The following RPTN variants were observed in gnomAD, a reference collection of about 807,000 sequenced individuals.
The protein encoded by RPTN is intermediate filament-associated protein.
Under a neutral mutation model 3.6 loss-of-function variants are expected in RPTN, and 4 were observed. The ratio of observed to expected loss-of-function variants is 1.12; its 90% CI spans 0.55 to 2.55. RPTN has a LOEUF of 2.55. Ranked by LOEUF, RPTN falls within the 30% of genes most tolerant of loss-of-function variation. The pLI, the probability that RPTN is intolerant of heterozygous loss-of-function variation, is 0.02. For missense variants in RPTN, 860 were observed against 916.7 expected (o/e 0.94, Z 0.80); for synonymous variants, 293 against 319.3 (o/e 0.92, Z 0.88).
chr1:152,156,814 T>A lies in RPTN; in HGVS notation c.285A>T (p.Gly95=). The change falls in exon 3 of 3, where the codon GGA becomes GGT. Residue 95 remains glycine (G), a synonymous_variant. Coordinates refer to ENST00000316073, the MANE Select transcript of RPTN (RefSeq NM_001122965.1). ...CCCTTTCTTGCTGTGAGGTCCTGCC[T>A]CCATGTGACTTATTGTCTAGCTTAT... ...CYHKLDNKSH[G]GRTSQQERGQ... 1.2e-6 allele frequency: 2 copies of A among 1,614,218 alleles called. No homozygotes were observed. The highest frequency in any genetic ancestry group is 1.7e-6 in the Non-Finnish European group (2 of 1,180,026).
Position 152,154,675 on chromosome 1 carries a change from T to A in RPTN, c.*69A>T. ...GATTCTGAGATCCTTGATACCTCTC[T>A]TTCTCCTCATAGTTTTGTCTATTAT... On this transcript the variant is annotated 3_prime_UTR_variant, in exon 3 of 3. Transcript: ENST00000316073. 6 of 1,565,806 alleles carry A rather than the reference T, an allele frequency of 3.8e-6. No homozygotes were observed. The highest frequency in any genetic ancestry group is 5.2e-6 in the Non-Finnish European group (6 of 1,154,312).
rs1054271726 is a variant in RPTN, at chr1:152,156,670, A to T, written c.429T>A (p.Asp143Glu). Reference protein sequence around the residue: ...HHSQPERQDGDSHHGQPERQD... With the variant: ...HHSQPERQDGESHHGQPERQD... ...GTCTCTCAGGCTGACCATGGTGGGAATCTCCGTCTTGTCTCTCAGGCTGAC... is the reference window on the plus strand; with the variant it reads ...GTCTCTCAGGCTGACCATGGTGGGATTCTCCGTCTTGTCTCTCAGGCTGAC... The change falls in exon 3 of 3, where the codon GAT becomes GAA. Residue 143 changes from aspartate (D) to glutamate (E), a missense_variant. By Grantham distance (45) the Asp-to-Glu change is conservative. Coordinates refer to ENST00000316073, the MANE Select transcript of RPTN (RefSeq NM_001122965.1). The T allele has an allele frequency of 6.1e-5, 97 of 1,579,544 alleles. No individual in the cohort carries two copies. Among genetic ancestry groups the T allele is most frequent in the Non-Finnish European group, 8.1e-5 (95 of 1,167,502 alleles).
At chr1:152,157,245 G>C (rs757505294) in intron 2 of RPTN, among the ~76,000 whole-genome samples, 22 of 152,160 alleles carry the variant, frequency 1.4e-4, no homozygotes, top group Non-Finnish European at 2.6e-4. Context: ...TTCCATCACA[G>C]GCTATATCCT....
At chr1:152,158,237 G>A (rs764441203) in intron 1 of RPTN, among the ~76,000 whole-genome samples, 2 of 152,204 alleles carry the variant, frequency 1.3e-5, no homozygotes, top group Non-Finnish European at 2.9e-5. Flanking sequence ...CAAAAGGAGG[G>A]GAGGCCAGGA....
rs753363504 is a variant in RPTN at position 152,156,428 on chromosome 1, T to C, written c.671A>G (p.His224Arg). The change falls in exon 3 of 3, where the codon CAT becomes CGT. Residue 224 changes from histidine (H) to arginine (R), a missense_variant. Coordinates refer to ENST00000316073, the MANE Select transcript of RPTN (RefSeq NM_001122965.1). Reference protein sequence around the residue: ...STSGQAKWQGHIFALNRCEKP... With the variant: ...STSGQAKWQGRIFALNRCEKP... ...TTCACACCGATTTAAGGCAAAGATATGTCCCTGCCATTTAGCCTGGCCACT... is the reference window on the plus strand; with the variant it reads ...TTCACACCGATTTAAGGCAAAGATACGTCCCTGCCATTTAGCCTGGCCACT... 2.5e-6 allele frequency: 4 copies of C among 1,614,270 alleles called. No individual in the cohort carries two copies. The highest frequency in any genetic ancestry group is 1.6e-4 in the Middle Eastern group (1 of 6,062).
At position 152,153,963 on chromosome 1, in the gene RPTN, T is replaced by G. The variant is rs891349499; in HGVS notation, c.*781A>C. The G allele has an allele frequency of 2.6e-5, 4 of 152,378 alleles. No individual in the cohort carries two copies. The highest frequency in any genetic ancestry group is 2.0e-4 in the Admixed American group (3 of 15,284). The allele number at this position is 152,378 out of a possible 1,614,324, so 9.4% of individuals were successfully genotyped here. On this transcript the variant is annotated 3_prime_UTR_variant, in exon 3 of 3. Coordinates refer to ENST00000316073, the MANE Select transcript of RPTN (RefSeq NM_001122965.1). ...TATGAGGCTTGAAATTCCTGATGTTTTATCCACAGGAGCCAAAGCTCACCA... is the reference window on the plus strand; with the variant it reads ...TATGAGGCTTGAAATTCCTGATGTTGTATCCACAGGAGCCAAAGCTCACCA...
At chr1:152,157,978 A>C (rs2101559328) in intron 1 of RPTN, 69 bp from the exon 2 acceptor site, 5 of 1,327,564 alleles carry the variant, frequency 3.8e-6, no homozygotes, top group Non-Finnish European at 5.4e-6. Flanking sequence ...CCAGAGGGAA[A>C]GTGACCCCTC....
At chr1:152,157,983 C>A (rs1355980589) in intron 1 of RPTN, 74 bp from the exon 2 acceptor site, 6 of 1,274,082 alleles carry the variant, frequency 4.7e-6, no homozygotes, top group Non-Finnish European at 6.7e-6. Context: ...GGGAAAGTGA[C>A]CCCTCTGGAT....
Position 152,156,980 on chromosome 1 carries a change from A to G in RPTN, c.139-20T>C, listed in dbSNP as rs763060486. On this transcript the variant is annotated intron_variant, in intron 2 of 2. Transcript: ENST00000316073. Reference sequence around the variant, plus strand: ...TGGTCTCTGTTAGGAGATAAAACAAAGAGCAAAATCAGATGCTGTCTTGTG... The same window carrying G: ...TGGTCTCTGTTAGGAGATAAAACAAGGAGCAAAATCAGATGCTGTCTTGTG... The G allele has an allele frequency of 2.1e-5, 33 of 1,596,132 alleles. No individual in the cohort carries two copies. The South Asian group carries it at 3.5e-4, about 17-fold the overall frequency.
Position 152,154,544 on chromosome 1 carries a change from A to C in RPTN, c.*200T>G, listed in dbSNP as rs1659152151. 8 of 769,784 alleles carry C rather than the reference A, an allele frequency of 1.0e-5. No homozygotes were observed. The highest frequency in any genetic ancestry group is 1.3e-5 in the Non-Finnish European group (6 of 478,440). The allele number at this position is 769,784 out of a possible 1,614,324, so 47.7% of individuals were successfully genotyped here. ...CCTCCCACTGCTCTGGGTTGGATAGAAGGATGGTTCAGTGTGTCTTTTCTG... is the reference window on the plus strand; with the variant it reads ...CCTCCCACTGCTCTGGGTTGGATAGCAGGATGGTTCAGTGTGTCTTTTCTG... On this transcript the variant is annotated 3_prime_UTR_variant, in exon 3 of 3. Transcript: ENST00000316073.
rs754639685 is a variant in RPTN at position 152,157,736 on chromosome 1, T to C, written c.138+16A>G. 15 of 1,613,698 alleles carry C rather than the reference T, an allele frequency of 9.3e-6. No homozygotes were observed. Among genetic ancestry groups the C allele is most frequent in the Non-Finnish European group, 1.3e-5 (15 of 1,179,762 alleles). On this transcript the variant is annotated intron_variant, in intron 2 of 2. Coordinates refer to ENST00000316073, the MANE Select transcript of RPTN (RefSeq NM_001122965.1). Reference sequence around the variant, plus strand: ...TCACACTTGATCTCATGGGGCTGTGTGTCTGTGTATCTTACCTGGAGGATG... The same window carrying C: ...TCACACTTGATCTCATGGGGCTGTGCGTCTGTGTATCTTACCTGGAGGATG...
Position 152,155,855 on chromosome 1 carries a change from T to C in RPTN, c.1244A>G (p.Tyr415Cys), listed in dbSNP as rs765618135. ...QTERQGQSSH[Y>C]SQMDRQGQGS... ...CTGGCCTTGTCGGTCCATCTGACTG[T>C]AGTGGGAACTCTGGCCTTGTCTCTC... Residue 415 changes from tyrosine to cysteine, a missense_variant, in exon 3 of 3, where the codon TAC becomes TGC. Tyr to Cys is a radical substitution (Grantham distance 194). Transcript: ENST00000316073. The C allele has an allele frequency of 6.2e-6, 10 of 1,611,846 alleles. No individual in the cohort carries two copies. The East Asian group carries it at 2.0e-4, about 32-fold the overall frequency.
chr1:152,154,221 GA>G lies in RPTN; in HGVS notation c.*522del, dbSNP rs1194920985. ...TTACCACCTAGATTTCACTGAATCA[GA>G]AAACCCTAGAATTGCTGCTCAAAGA... is the stretch of plus-strand genomic sequence containing the variant. On this transcript the variant is annotated 3_prime_UTR_variant, in exon 3 of 3. Transcript: ENST00000316073. 3 of 158,938 alleles carry G rather than the reference GA, an allele frequency of 1.9e-5. No individual in the cohort carries two copies. Among genetic ancestry groups the G allele is most frequent in the African/African-American group, 4.8e-5 (2 of 41,502 alleles). 9.8% of individuals were successfully genotyped at this position (158,938 alleles called of 1,614,324 possible).
chr1:152,156,299 G>T lies in RPTN; in HGVS notation c.800C>A (p.Ser267Ter), dbSNP rs1189950823. 6.2e-7 allele frequency: 1 copy of T among 1,614,120 alleles called. No individual in the cohort carries two copies. The highest frequency in any genetic ancestry group is 1.3e-5 in the African/African-American group (1 of 74,940). Residue 267 changes from serine to a stop codon, truncating the protein, a stop_gained, in exon 3 of 3, where the codon TCA (serine) becomes TAA (stop). Transcript: ENST00000316073. LOFTEE classifies it low-confidence loss of function (END_TRUNC). ...SHFNQTNQQK[S>*]GSYCGQSERL... Reference sequence around the variant, plus strand: ...CTCAGACTGTCCACAATAAGAGCCTGATTTCTGTTGATTTGTCTGGTTAAA... The same window carrying T: ...CTCAGACTGTCCACAATAAGAGCCTTATTTCTGTTGATTTGTCTGGTTAAA...
rs1659175016 is a variant in RPTN, at chr1:152,155,403, C to G, written c.1696G>C (p.Gly566Arg). 6.2e-7 allele frequency: 1 copy of G among 1,613,950 alleles called. No homozygotes were observed. Among genetic ancestry groups the G allele is most frequent in the Admixed American group, 1.7e-5 (1 of 59,992 alleles). Residue 566 changes from glycine (G) to arginine (R), a missense_variant, in exon 3 of 3, where the codon GGC (glycine) becomes CGC (arginine). Coordinates refer to ENST00000316073, the MANE Select transcript of RPTN (RefSeq NM_001122965.1). The stretch of plus-strand genomic sequence containing the variant: ...GTCTGACCATAATGATAGCTCTGGC[C>G]TTGTCTGTCTGTCTGACCGTAGTGG... ...SSHYGQTDRQ[G>R]QSYHYGQTDR...
In RPTN at chr1:152,155,950, G is replaced by A. The variant is rs377399394; in HGVS notation, c.1149C>T (p.Asp383=). The A allele has an allele frequency of 4.8e-5, 77 of 1,613,874 alleles. No homozygotes were observed. The highest frequency in any genetic ancestry group is 6.5e-5 in the Non-Finnish European group (77 of 1,179,998). The change falls in exon 3 of 3, where the codon GAC becomes GAT. Residue 383 remains aspartate, a synonymous_variant. Coordinates refer to ENST00000316073, the MANE Select transcript of RPTN (RefSeq NM_001122965.1). ...QGQSSHYGQP[D]TQDQSSHYGQ... is the part of the protein sequence containing the mutation. ...CATAGTGAGAACTCTGATCTTGTGT[G>A]TCTGGCTGACCATAGTGGGAACTCT...
In RPTN at chr1:152,154,905, G is replaced by T. The variant is rs377696297; in HGVS notation, c.2194C>A (p.Arg732=). 1.7e-5 allele frequency: 28 copies of T among 1,613,832 alleles called. No homozygotes were observed. In the African/African-American group the frequency reaches 3.7e-4, roughly 22 times the overall value. Residue 732 remains arginine (R), a synonymous_variant, in exon 3 of 3, where the codon CGA becomes AGA. Coordinates refer to ENST00000316073, the MANE Select transcript of RPTN (RefSeq NM_001122965.1). ...TGGTTCTGCTCATCTTTATGGGTTCGCCTGTCCTGTGTCCCACATGGACCT... is the reference window on the plus strand; with the variant it reads ...TGGTTCTGCTCATCTTTATGGGTTCTCCTGTCCTGTGTCCCACATGGACCT... ...QEGPCGTQDR[R]THKDEQNHQR... is the part of the protein sequence containing the mutation.
chr1:152,156,528 CCTTGT>C lies in RPTN; in HGVS notation c.566_570del (p.Asp189GlyfsTer5). The stretch of plus-strand genomic sequence containing the variant: ...CTCTCTGACTGATCAAAGCTGAAAT[CCTTGT>C]CTTGTCTCTCAGACTGATTGTGGTG... On this transcript the variant is annotated frameshift_variant, in exon 3 of 3. Transcript: ENST00000316073. LOFTEE classifies it low-confidence loss of function (END_TRUNC). The C allele has an allele frequency of 1.2e-6, 2 of 1,614,238 alleles. No individual in the cohort carries two copies. Among genetic ancestry groups the C allele is most frequent in the African/African-American group, 2.7e-5 (2 of 75,060 alleles).
chr1:152,155,707 A>C lies in RPTN; in HGVS notation c.1392T>G (p.Gly464=). 6.2e-7 allele frequency: 1 copy of C among 1,602,158 alleles called. No homozygotes were observed. Among genetic ancestry groups the C allele is most frequent in the Non-Finnish European group, 8.5e-7 (1 of 1,170,886 alleles). The change falls in exon 3 of 3, where the codon GGT becomes GGG. Residue 464 remains glycine (G), a synonymous_variant. Transcript: ENST00000316073. ...AACTCTGGCCTTGTCTGTCTGTCTG[A>C]CCATAGTGGGAACTCTGGCCTTGTC... is the stretch of plus-strand genomic sequence containing the variant. ...TDRQGQSSHY[G]QTDRQGQSSH... is the part of the protein sequence containing the mutation.
Sources: allele counts gnomAD v4.1 joint callset (sites outside exome capture counted in the v4.1 genomes callset), GRCh38; gene constraint gnomAD v4.1.1; transcripts MANE v1.5; gene names NCBI Gene and HGNC (gene_info 2026-07-23, HGNC 2026-07-21).